HADHB: variants seen among roughly 807,000 people sequenced by gnomAD.
HADHB encodes hydroxyacyl-CoA dehydrogenase trifunctional multienzyme complex subunit beta, also known as trifunctional enzyme subunit beta, mitochondrial.
In HADHB, 50 loss-of-function variants were observed where a neutral mutation model predicts 61.9. The ratio of observed to expected loss-of-function variants is 0.81; its 90% confidence interval spans 0.64 to 1.02. The LOEUF (loss-of-function observed/expected upper bound fraction) is 1.02. Ranked by LOEUF, HADHB falls within the 50% of genes least tolerant of loss-of-function variation. The pLI is 0.00. For missense variants in HADHB, 504 were observed against 586.5 expected (o/e 0.86, Z 1.45); for synonymous variants, 191 against 201.6 (o/e 0.95, Z 0.45).
At chr2:26,285,023 C>G (rs1672968634) in intron 14 of HADHB, 66 bp downstream of exon 14, 3 of 846,440 alleles carry the variant, frequency 3.5e-6, no homozygotes. Context: ...TCTTAGTTAC[C>G]TGTTCTTAAG....
intron 5 of HADHB, among the ~76,000 whole-genome samples, chr2:26,270,834 A>G (rs1201889805): frequency 6.8e-6 from 1 of 146,066 alleles, no homozygotes; most frequent in East Asian, 2.0e-4. Context: ...ATATGCCTTT[A>G]TGATTTTTCT....
chr2:26,269,684 A>G (rs936500492), intron 4 of HADHB, among the ~76,000 whole-genome samples: 1 of 152,242 alleles, frequency 6.6e-6, no homozygotes, highest in African/African-American at 2.4e-5. Flanking sequence ...AATTTAGCAT[A>G]TGTTATACTG....
rs538561028 is a variant in HADHB at position 26,283,527 on chromosome 2, AAAAT to A, written c.1061+492_1061+495del. On this transcript the variant is annotated intron_variant, in intron 12 of 15. Coordinates refer to ENST00000317799, the MANE Select transcript of HADHB (RefSeq NM_000183.3). The stretch of plus-strand genomic sequence containing the variant: ...CGACAGAGCGAGACTCCATCTCAAA[AAAAT>A]AAATAAATAAATAAAATAGTAGTAA... Among the ~76,000 whole-genome samples, 246 of 152,220 alleles carry A rather than the reference AAAAT, an allele frequency of 1.6e-3. 7 individuals carry two copies. The highest frequency in any genetic ancestry group is 5.7e-3 in the African/African-American group (235 of 41,558).
intron 1 of HADHB, among the ~76,000 whole-genome samples, chr2:26,253,862 AAATAAATAAATAAATAAAT>A (rs1671501166): frequency 8.1e-6 from 1 of 123,758 alleles, no homozygotes; most frequent in Non-Finnish European, 1.8e-5. Flanking sequence ...TCAAAAAAAT[AAATAAATAAATAAATAAAT>A]AAATAAATAA....
rs1450507805 is a variant in HADHB, at chr2:26,285,498, T to C, written c.1316T>C (p.Met439Thr). The change falls in exon 15 of 16, where the codon ATG becomes ACG. Residue 439 changes from methionine to threonine, a missense_variant. Met to Thr is a moderately conservative substitution (Grantham distance 81). Coordinates refer to ENST00000317799, the MANE Select transcript of HADHB (RefSeq NM_000183.3). The stretch of plus-strand genomic sequence containing the variant: ...GGAGCCACTGGCTGCAGGTTGGTCA[T>C]GGCTGCTGCCAACAGATTACGGAAA... ...PFGATGCRLV[M>T]AAANRLRKEG... 6.2e-7 allele frequency: 1 copy of C among 1,613,906 alleles called. No individual in the cohort carries two copies. The highest frequency in any genetic ancestry group is 2.2e-5 in the East Asian group (1 of 44,890).
intron 1 of HADHB, among the ~76,000 whole-genome samples, chr2:26,253,784 C>T (rs1452261044): frequency 6.6e-6 from 1 of 151,078 alleles, no homozygotes; most frequent in African/African-American, 2.4e-5. Flanking sequence ...ACCTGGGAGG[C>T]AAAGATTGCA....
chr2:26,280,234 C>T (rs1672730522), intron 10 of HADHB, 119 bp downstream of exon 10: 2 of 840,202 alleles, frequency 2.4e-6, no homozygotes, highest in Admixed American at 4.1e-5. Context: ...TATAGTTATT[C>T]ATTTTAATGT....
chr2:26,288,292 A>G (rs111696414), intron 15 of HADHB, among the ~76,000 whole-genome samples: 1 of 152,042 alleles, frequency 6.6e-6, no homozygotes, highest in African/African-American at 2.4e-5. Flanking sequence ...TAAAATAAAT[A>G]AAAAATAAAA....
At position 26,284,940 on chromosome 2, in the gene HADHB, A is replaced by G. The variant is rs1473658324; in HGVS notation, c.1207A>G (p.Met403Val). 1.3e-6 allele frequency: 2 copies of G among 1,579,892 alleles called. No homozygotes were observed. The highest frequency in any genetic ancestry group is 2.2e-5 in the East Asian group (1 of 44,702). Residue 403 changes from methionine (M) to valine (V), a missense_variant, in exon 14 of 16, where the codon ATG becomes GTG. Transcript: ENST00000317799. ...TTCTGATTGGTTTGCAGAAAACTAC[A>G]TGGGTAGAAAAACCAAGGTGAGTTT... ...MDSDWFAENY[M>V]GRKTKVGLPP...
chr2:26,270,729 C>A (rs6745226), intron 5 of HADHB, among the ~76,000 whole-genome samples: 127,358 of 152,132 alleles, frequency 0.84, 55,137 homozygotes, highest in Middle Eastern at 0.96. Context: ...TATGATTGCT[C>A]AATGTACTGA....
intron 13 of HADHB, 85 bp from the exon 14 acceptor site, chr2:26,284,798 T>C (rs1672954595): frequency 1.2e-6 from 1 of 814,470 alleles, no homozygotes; most frequent in Admixed American, 1.7e-5. Context: ...TACCTAAAGT[T>C]GTTAAACTTT....
At position 26,255,485 on chromosome 2, in the gene HADHB, C is replaced by T. The variant is rs183264319; in HGVS notation, c.109+1011C>T. On this transcript the variant is annotated intron_variant, in intron 3 of 15. Coordinates refer to ENST00000317799, the MANE Select transcript of HADHB (RefSeq NM_000183.3). ...CTGCACTCCAGCCTGGGTGACAGAG[C>T]GAGACTCCGGCTCAAAAAAAAAAAA... 2.8e-3 allele frequency among the ~76,000 whole-genome samples: 407 copies of T among 144,862 alleles called. 3 individuals are homozygous for T. Among genetic ancestry groups the T allele is most frequent in the African/African-American group, 9.3e-3 (366 of 39,204 alleles).
chr2:26,278,877 G>A (rs1672668835), intron 8 of HADHB, 76 bp downstream of exon 8: 13 of 1,184,456 alleles, frequency 1.1e-5, no homozygotes, highest in Non-Finnish European at 1.6e-5. Flanking sequence ...CTGCTATGCT[G>A]TAATAGGTGT....
At chr2:26,288,708 CA>C (rs112810862) in intron 15 of HADHB, among the ~76,000 whole-genome samples, 1 of 151,042 alleles carries the variant, frequency 6.6e-6, no homozygotes. Flanking sequence ...GGCCCTGTTT[CA>C]AAAAAAACAG....
At position 26,269,181 on chromosome 2, in the gene HADHB, G is replaced by A. The variant is rs183961774; in HGVS notation, c.210-772G>A. On this transcript the variant is annotated intron_variant, in intron 4 of 15. Coordinates refer to ENST00000317799, the MANE Select transcript of HADHB (RefSeq NM_000183.3). ...AAAAAAAAAACAGCAGGGGGAAAGA[G>A]GAACTCTGCTCTCTTTTTCCAATTC... Among the ~76,000 whole-genome samples the A allele has an allele frequency of 1.5e-4, 22 of 151,690 alleles. No individual in the cohort carries two copies. The East Asian group carries it at 3.5e-3, about 24-fold the overall frequency.
chr2:26,285,628 G>T, intron 15 of HADHB, 57 bp downstream of exon 15: 19 of 1,310,930 alleles, frequency 1.4e-5, no homozygotes, highest in Non-Finnish European at 2.0e-5. Context: ...GGAATGACTA[G>T]AATGTATGAT....
intron 1 of HADHB, among the ~76,000 whole-genome samples, chr2:26,253,581 G>A (rs1354621444): frequency 4.6e-5 from 7 of 152,072 alleles, no homozygotes; most frequent in African/African-American, 7.2e-5. Context: ...GGCCTGGTGC[G>A]GTAGCTCACG....
In HADHB at chr2:26,278,799, GAGGTA is replaced by G. The variant is rs778744548; in HGVS notation, c.630+2_630+6del. On this transcript the variant is annotated splice_donor_variant and splice_donor_region_variant and coding_sequence_variant and intron_variant, in exon 8 of 16. Coordinates refer to ENST00000317799, the MANE Select transcript of HADHB (RefSeq NM_000183.3). LOFTEE classifies it high-confidence loss of function. The stretch of plus-strand genomic sequence containing the variant: ...ATTCCGATTTAATTTCCTAGCACCT[GAGGTA>G]AGGCTTGTGTTTGCAGGGCATCCCA... 2.5e-6 allele frequency: 4 copies of G among 1,613,598 alleles called. No individual in the cohort carries two copies. In the South Asian group the frequency reaches 4.4e-5, roughly 18 times the overall value.
At chr2:26,286,312 C>T (rs1344676640) in intron 15 of HADHB, among the ~76,000 whole-genome samples, 3 of 152,112 alleles carry the variant, frequency 2.0e-5, no homozygotes, top group Admixed American at 6.5e-5. Flanking sequence ...AACTATCTTT[C>T]TAGAGAACTG....
Sources: gnomAD v4.1 joint callset for allele counts (sites outside exome capture counted in the v4.1 genomes callset) on GRCh38, gnomAD v4.1.1 for gene constraint, MANE v1.5 for transcripts, NCBI Gene and HGNC (gene_info 2026-07-23, HGNC 2026-07-21) for gene names.